Variants in RALGAPA1 observed in about 807,000 individuals in gnomAD.
RALGAPA1 encodes the protein ral GTPase-activating protein subunit alpha-1.
RALGAPA1 carries 52 observed loss-of-function variants against 269.6 expected under a neutral mutation model. The observed-to-expected ratio is 0.19, with a 90% CI of 0.15 to 0.24. The LOEUF (loss-of-function observed/expected upper bound fraction) is 0.24, where lower values mean the gene tolerates loss of function less well. RALGAPA1 is among the 10% of genes least tolerant of loss of function. The probability of loss-of-function intolerance (pLI) is 1.00; values close to 1 mark genes in which losing one functional copy is unlikely to be tolerated. For missense variants in RALGAPA1, 1,917 were observed against 3,013.9 expected (o/e 0.64, Z 8.52); for synonymous variants, 817 against 1,008.3 (o/e 0.81, Z 3.60).
chr14:35,733,960 A>C (rs969657553), intron 12 of RALGAPA1, among the ~76,000 whole-genome samples: 1 of 151,936 alleles, frequency 6.6e-6, no homozygotes, highest in Non-Finnish European at 1.5e-5. Context: ...CAAATAAATA[A>C]ATAAATAAAT....
chr14:35,674,293 T>C lies in RALGAPA1; in HGVS notation c.4819-15A>G, dbSNP rs1458349025. 1 of 1,585,906 alleles carries C rather than the reference T, an allele frequency of 6.3e-7. No individual in the cohort carries two copies. The highest frequency in any genetic ancestry group is 2.2e-5 in the East Asian group (1 of 44,484). Reference sequence around the variant, plus strand: ...TTATCTCTAATCTGTAATTTTCAAATAAAAAGCAACAAACCTAAGAAAACT... The same window carrying C: ...TTATCTCTAATCTGTAATTTTCAAACAAAAAGCAACAAACCTAAGAAAACT... On this transcript the variant is annotated splice_polypyrimidine_tract_variant and intron_variant, in intron 23 of 41. Transcript: ENST00000680220.
At chr14:35,687,469 A>T (rs1004654758) in intron 18 of RALGAPA1, among the ~76,000 whole-genome samples, 1 of 152,216 alleles carries the variant, frequency 6.6e-6, no homozygotes. Flanking sequence ...AAATACCATT[A>T]TCTTTATATT....
chr14:35,558,083 T>C (rs1364630639), intron 39 of RALGAPA1, among the ~76,000 whole-genome samples: 1 of 151,784 alleles, frequency 6.6e-6, no homozygotes, highest in Non-Finnish European at 1.5e-5. Context: ...TATATAAATA[T>C]CAGCGCATAC....
chr14:35,565,273 G>A (rs1401628325), intron 39 of RALGAPA1, among the ~76,000 whole-genome samples: 2 of 150,538 alleles, frequency 1.3e-5, no homozygotes, highest in East Asian at 1.9e-4. Flanking sequence ...GCTGGGTCAT[G>A]GGACCCAGTT....
At chr14:35,729,032 G>A (rs2070226028) in intron 12 of RALGAPA1, among the ~76,000 whole-genome samples, 1 of 151,806 alleles carries the variant, frequency 6.6e-6, no homozygotes, top group Non-Finnish European at 1.5e-5. Context: ...ACTGCACCTG[G>A]CCTAAAACAC....
intron 41 of RALGAPA1, among the ~76,000 whole-genome samples, chr14:35,546,046 AGT>A (rs1459418859): frequency 5.6e-4 from 85 of 152,310 alleles, no homozygotes; most frequent in African/African-American, 2.0e-3. Context: ...ATTTTAACGT[AGT>A]TATGAAAGAT....
chr14:35,775,612 C>G, intron 2 of RALGAPA1, 23 bp downstream of exon 2: 1 of 1,549,750 alleles, frequency 6.5e-7, no homozygotes, highest in South Asian at 1.3e-5. Flanking sequence ...TAACATACGC[C>G]AAGATATATG....
intron 7 of RALGAPA1, among the ~76,000 whole-genome samples, chr14:35,753,123 T>C (rs2072875844): frequency 3.9e-5 from 6 of 152,100 alleles, no homozygotes; most frequent in Admixed American, 3.9e-4. Context: ...AGGTACGAGA[T>C]GAGCTTGGAA....
intron 1 of RALGAPA1, among the ~76,000 whole-genome samples, chr14:35,793,318 A>G (rs2141824455): frequency 6.6e-6 from 1 of 150,930 alleles, no homozygotes; most frequent in South Asian, 2.1e-4. Context: ...GCTCACGACA[A>G]CCTCCGCCTC....
At chr14:35,769,051 T>TAC (rs1306868338) in intron 4 of RALGAPA1, among the ~76,000 whole-genome samples, 318 of 108,284 alleles carry the variant, frequency 2.9e-3, no homozygotes, top group Non-Finnish European at 4.7e-3. Flanking sequence ...TATATATATA[T>TAC]ATATATATAT....
Position 35,688,658 on chromosome 14 carries a change from A to G in RALGAPA1, c.3753T>C (p.Ser1251=), listed in dbSNP as rs2066189480. The G allele has an allele frequency of 2.6e-6, 4 of 1,514,276 alleles. No homozygotes were observed. Among genetic ancestry groups the G allele is most frequent in the African/African-American group, 2.8e-5 (2 of 72,198 alleles). The allele number at this position is 1,514,276 out of a possible 1,614,324, so 93.8% of individuals were successfully genotyped here. ...KEGIASSQLG[S]RSTLRSSSHE... ...GACTTGATGACCTAAGAGTACTACG[A>G]CTACCTAATTGACTACTTGCAATTC... The change falls in exon 18 of 42, where the codon AGT becomes AGC. Residue 1251 remains serine (S), a synonymous_variant. Coordinates refer to ENST00000680220, the MANE Select transcript of RALGAPA1 (RefSeq NM_001346249.2).
intron 1 of RALGAPA1, among the ~76,000 whole-genome samples, chr14:35,779,945 A>T (rs2075319691): frequency 6.6e-6 from 1 of 152,118 alleles, no homozygotes; most frequent in Admixed American, 6.6e-5. Flanking sequence ...AACATGGTGA[A>T]ACCCTGTCTC....
chr14:35,681,780 T>C (rs1357419260), intron 21 of RALGAPA1, among the ~76,000 whole-genome samples: 3 of 152,206 alleles, frequency 2.0e-5, no homozygotes, highest in Admixed American at 6.5e-5. Context: ...AGTTTTCTTA[T>C]GCCCATCTGT....
At chr14:35,604,334 G>A (rs2059458674) in intron 36 of RALGAPA1, among the ~76,000 whole-genome samples, 1 of 151,870 alleles carries the variant, frequency 6.6e-6, no homozygotes, top group African/African-American at 2.4e-5. Flanking sequence ...AGTATATTCT[G>A]TGATCACAAT....
intron 1 of RALGAPA1, among the ~76,000 whole-genome samples, chr14:35,802,120 C>T (rs1316718725): frequency 6.6e-6 from 1 of 152,146 alleles, no homozygotes; most frequent in African/African-American, 2.4e-5. Flanking sequence ...CCAGCCTTAT[C>T]AACATGGTGA....
At chr14:35,717,215 A>G (rs574556462) in intron 16 of RALGAPA1, among the ~76,000 whole-genome samples, 100 of 152,250 alleles carry the variant, frequency 6.6e-4, no homozygotes, top group South Asian at 2.9e-3. Flanking sequence ...CAATGGTGCG[A>G]TCTCGGCCCA....
intron 31 of RALGAPA1, among the ~76,000 whole-genome samples, chr14:35,645,377 GTGTGTGTGTGTGTA>G (rs1277341250): frequency 2.8e-4 from 43 of 151,404 alleles, no homozygotes; most frequent in Middle Eastern, 3.4e-3. Context: ...GTGTGTGTGT[GTGTGTGTGTGTGTA>G]TATGTTATGT....
At chr14:35,668,437 C>T (rs998391724) in intron 26 of RALGAPA1, among the ~76,000 whole-genome samples, 1 of 151,622 alleles carries the variant, frequency 6.6e-6, no homozygotes, top group African/African-American at 2.4e-5. Flanking sequence ...GAGCCAAGAT[C>T]GCATTACTGC....
chr14:35,797,433 G>T (rs1230251556), intron 1 of RALGAPA1, among the ~76,000 whole-genome samples: 1 of 151,528 alleles, frequency 6.6e-6, no homozygotes, highest in East Asian at 1.9e-4. Flanking sequence ...TACAGAGGAA[G>T]AGGAATAAAG....
Sources: allele counts gnomAD v4.1 joint callset (sites outside exome capture counted in the v4.1 genomes callset), GRCh38; gene constraint gnomAD v4.1.1; transcripts MANE v1.5; gene names NCBI Gene and HGNC (gene_info 2026-07-23, HGNC 2026-07-21).